DLC1: variants seen among roughly 807,000 people sequenced by gnomAD.
DLC1 encodes DLC1 Rho GTPase activating protein, also known as rho GTPase-activating protein 7.
A neutral mutation model predicts 140.3 loss-of-function variants in DLC1; 54 were observed. That is an observed-to-expected ratio of 0.38 (90% CI 0.31 to 0.48). The LOEUF is 0.48. DLC1 is among the 20% of genes least tolerant of loss of function. The pLI is 0.96. For synonymous variants in DLC1, 986 were observed against 728.1 expected (o/e 1.35, Z -5.70); for missense variants, 2,536 against 1,907.0 (o/e 1.33, Z -6.14).
At chr8:13,352,036 A>G (rs1834697113) in intron 4 of DLC1, among the ~76,000 whole-genome samples, 1 of 152,174 alleles carries the variant, frequency 6.6e-6, no homozygotes, top group African/African-American at 2.4e-5. Flanking sequence ...GCCCAGCCAT[A>G]TGTCTCTATT....
chr8:13,409,828 C>T (rs1837711734), intron 2 of DLC1, among the ~76,000 whole-genome samples: 1 of 152,068 alleles, frequency 6.6e-6, no homozygotes, highest in Admixed American at 6.6e-5. Context: ...ACTTGTATAG[C>T]TTTGGACACT....
At chr8:13,286,561 T>C (rs921113236) in intron 5 of DLC1, among the ~76,000 whole-genome samples, 1 of 152,056 alleles carries the variant, frequency 6.6e-6, no homozygotes, top group African/African-American at 2.4e-5. Flanking sequence ...AATATGCTGT[T>C]TGTATGGATA....
At chr8:13,390,042 A>G (rs1407904391) in intron 4 of DLC1, among the ~76,000 whole-genome samples, 1 of 152,160 alleles carries the variant, frequency 6.6e-6, no homozygotes, top group African/African-American at 2.4e-5. Context: ...CATATCATTT[A>G]TTCCTTAAGC....
intron 3 of DLC1, among the ~76,000 whole-genome samples, chr8:13,394,050 C>T (rs1199223357): frequency 6.6e-6 from 1 of 152,240 alleles, no homozygotes; most frequent in Non-Finnish European, 1.5e-5. Context: ...GAATCACTCA[C>T]TGACACTCCT....
intron 5 of DLC1, among the ~76,000 whole-genome samples, chr8:13,195,422 C>T (rs1040754299): frequency 6.6e-6 from 1 of 152,174 alleles, no homozygotes; most frequent in Non-Finnish European, 1.5e-5. Flanking sequence ...ATAAATAGCT[C>T]CTGCCAATGG....
intron 4 of DLC1, among the ~76,000 whole-genome samples, chr8:13,384,089 G>T (rs79787801): frequency 6.6e-6 from 1 of 152,234 alleles, no homozygotes; most frequent in South Asian, 2.1e-4. Context: ...ATGAGGTTGC[G>T]TTATTGTTAC....
intron 5 of DLC1, among the ~76,000 whole-genome samples, chr8:13,173,295 G>A (rs1443793391): frequency 6.6e-6 from 1 of 151,518 alleles, no homozygotes; most frequent in Non-Finnish European, 1.5e-5. Context: ...TCTTCATTTC[G>A]AGAGCAGTCT....
At chr8:13,598,571 C>G (rs993619137) in intron 1 of DLC1, among the ~76,000 whole-genome samples, 4 of 151,942 alleles carry the variant, frequency 2.6e-5, no homozygotes, top group Middle Eastern at 3.2e-3. Flanking sequence ...GTAAAATTAC[C>G]TCAAAAGAGT....
At chr8:13,578,854 T>G (rs1380223780) in intron 1 of DLC1, among the ~76,000 whole-genome samples, 1 of 152,062 alleles carries the variant, frequency 6.6e-6, no homozygotes, top group Non-Finnish European at 1.5e-5. Flanking sequence ...CTGTGGAGAC[T>G]TCATCACGTA....
At position 13,566,895 on chromosome 8, in the gene DLC1, A is replaced by G. The variant is rs1285225467; in HGVS notation, c.-126+37642T>C. The stretch of plus-strand genomic sequence containing the variant: ...AGACGACCTCCGCAGAGCTGATGGC[A>G]TTGAGATCCATTCCCGGAGGGGTCA... On this transcript the variant is annotated intron_variant, in intron 1 of 1. Coordinates refer to the DLC1 transcript ENST00000631382. 8 of 1,413,386 alleles carry G rather than the reference A, an allele frequency of 5.7e-6. No individual in the cohort carries two copies. In the South Asian group the frequency reaches 7.6e-5, roughly 13 times the overall value. The allele number at this position is 1,413,386 out of a possible 1,614,324, so 87.6% of individuals were successfully genotyped here. A position where few individuals can be genotyped will look rare whatever the true frequency, so the allele number is the denominator to read the frequency against.
At chr8:13,138,927 A>G (rs1320558551) in intron 5 of DLC1, among the ~76,000 whole-genome samples, 2 of 152,222 alleles carry the variant, frequency 1.3e-5, no homozygotes, top group Non-Finnish European at 2.9e-5. Context: ...TCTATTGATT[A>G]CAACTTTTGA....
intron 1 of DLC1, among the ~76,000 whole-genome samples, chr8:13,556,309 TAG>T (rs796927243): frequency 2.6e-5 from 4 of 152,304 alleles, no homozygotes; most frequent in African/African-American, 9.6e-5. Context: ...CACAAAATCC[TAG>T]AGTGTGGCAT....
chr8:13,260,080 T>A (rs1305623022), intron 5 of DLC1, among the ~76,000 whole-genome samples: 1 of 152,184 alleles, frequency 6.6e-6, no homozygotes, highest in African/African-American at 2.4e-5. Context: ...ATGAACACAG[T>A]GCTTTAGCGG....
intron 5 of DLC1, among the ~76,000 whole-genome samples, chr8:13,178,690 G>C (rs1019180514): frequency 6.7e-6 from 1 of 148,950 alleles, no homozygotes; most frequent in Non-Finnish European, 1.5e-5. Context: ...CAATGGTTTC[G>C]TATCCCCAAT....
chr8:13,092,032 G>A lies in DLC1; in HGVS notation c.3740+580C>T, dbSNP rs114502052. Among the ~76,000 whole-genome samples, 366 of 152,294 alleles carry A rather than the reference G, an allele frequency of 2.4e-3. 1 individual carries two copies. Among genetic ancestry groups the A allele is most frequent in the African/African-American group, 8.5e-3 (354 of 41,558 alleles). ...GAGGCTAAGCCGGGTGGATCATAAG[G>A]TCAGGAGCTCGAGACCAGCCTGGCC... On this transcript the variant is annotated intron_variant, in intron 13 of 17. Transcript: ENST00000276297.
chr8:13,312,167 C>T (rs1044456564), intron 4 of DLC1, among the ~76,000 whole-genome samples: 2 of 129,458 alleles, frequency 1.5e-5, no homozygotes, highest in African/African-American at 3.0e-5. Flanking sequence ...CGAGACCATC[C>T]TGGCTAACAC....
At chr8:13,337,604 T>G (rs1833859859) in intron 4 of DLC1, among the ~76,000 whole-genome samples, 1 of 152,092 alleles carries the variant, frequency 6.6e-6, no homozygotes, top group Non-Finnish European at 1.5e-5. Flanking sequence ...ATCAGAGAAT[T>G]TAGGAGGATA....
intron 5 of DLC1, among the ~76,000 whole-genome samples, chr8:13,181,242 C>T (rs556700354): frequency 5.3e-5 from 8 of 152,186 alleles, no homozygotes; most frequent in African/African-American, 1.9e-4. Flanking sequence ...GCTCTTCCCC[C>T]AGCAAGCACA....
chr8:13,336,777 C>A (rs747965466), intron 4 of DLC1, among the ~76,000 whole-genome samples: 1 of 152,060 alleles, frequency 6.6e-6, no homozygotes, highest in Middle Eastern at 3.2e-3. Flanking sequence ...TAATAATGTA[C>A]ATAATATATT....
Sources: gnomAD v4.1 joint callset for allele counts (sites outside exome capture counted in the v4.1 genomes callset) on GRCh38, gnomAD v4.1.1 for gene constraint, MANE v1.5 for transcripts, NCBI Gene and HGNC (gene_info 2026-07-23, HGNC 2026-07-21) for gene names.